The following PREP variants were observed in gnomAD, a reference collection of about 807,000 sequenced individuals.
PREP encodes the protein dJ355L5.1 (prolyl endopeptidase).
PREP carries 29 observed loss-of-function variants against 87.6 expected under a neutral mutation model. The observed-to-expected ratio is 0.33, with a 90% CI of 0.25 to 0.45. The LOEUF is 0.45. Ranked by LOEUF, PREP falls within the 20% of genes least tolerant of loss-of-function variation. PREP has a pLI of 1.00. For missense variants in PREP, 695 were observed against 886.5 expected (o/e 0.78, Z 2.74); for synonymous variants, 337 against 328.6 (o/e 1.03, Z -0.28).
At chr6:105,376,703 T>C (rs749772259) in intron 3 of PREP, among the ~76,000 whole-genome samples, 2 of 152,200 alleles carry the variant, frequency 1.3e-5, no homozygotes, top group African/African-American at 2.4e-5. Flanking sequence ...CTGTGAGCCA[T>C]ACAGTCTGTC....
chr6:105,344,246 T>G (rs1197262680), intron 7 of PREP, among the ~76,000 whole-genome samples: 1 of 152,102 alleles, frequency 6.6e-6, no homozygotes, highest in Non-Finnish European at 1.5e-5. Context: ...ATCCCAGCAC[T>G]TTGGGGAGGC....
At chr6:105,326,780 T>C (rs958862052) in intron 9 of PREP, among the ~76,000 whole-genome samples, 2 of 152,192 alleles carry the variant, frequency 1.3e-5, no homozygotes, top group African/African-American at 4.8e-5. Flanking sequence ...TCAAATTGCA[T>C]TCGGCAGAGA....
At chr6:105,334,172 T>A (rs1771418947) in intron 7 of PREP, among the ~76,000 whole-genome samples, 1 of 152,242 alleles carries the variant, frequency 6.6e-6, no homozygotes, top group Admixed American at 6.5e-5. Flanking sequence ...TTTAAAGTGA[T>A]CCATGTTAGT....
At chr6:105,381,628 G>A (rs1301631347) in intron 2 of PREP, among the ~76,000 whole-genome samples, 1 of 152,088 alleles carries the variant, frequency 6.6e-6, no homozygotes, top group African/African-American at 2.4e-5. Context: ...TCTAAAGAGA[G>A]TCAACAGTTT....
Position 105,402,950 on chromosome 6 carries a change from C to T in PREP, c.-59G>A. On this transcript the variant is annotated 5_prime_UTR_variant, in exon 1 of 15. Coordinates refer to ENST00000652536, the MANE Select transcript of PREP (RefSeq NM_002726.5). Reference sequence around the variant, plus strand: ...CGCGGGCTCCGGGAGCGGACCTGAGCTAGCCGGGCTGGCCGCGAGGCGCGG... The same window carrying T: ...CGCGGGCTCCGGGAGCGGACCTGAGTTAGCCGGGCTGGCCGCGAGGCGCGG... 3.9e-6 allele frequency: 4 copies of T among 1,038,476 alleles called. No homozygotes were observed. The highest frequency in any genetic ancestry group is 5.2e-6 in the Non-Finnish European group (4 of 770,282). The allele number at this position is 1,038,476 out of a possible 1,614,324, so 64.3% of individuals were successfully genotyped here. A position where few individuals can be genotyped will look rare whatever the true frequency, so the allele number is the denominator to read the frequency against.
chr6:105,320,754 G>C (rs1264327263), intron 10 of PREP, among the ~76,000 whole-genome samples: 1 of 152,082 alleles, frequency 6.6e-6, no homozygotes, highest in Non-Finnish European at 1.5e-5. Context: ...ACAAACCCCA[G>C]GGTCAAGTGG....
chr6:105,310,489 C>A (rs1770737526), intron 10 of PREP, among the ~76,000 whole-genome samples: 2 of 152,140 alleles, frequency 1.3e-5, no homozygotes, highest in African/African-American at 4.8e-5. Flanking sequence ...TCCAGTAACT[C>A]CTCTTCCTTC....
chr6:105,376,131 G>C lies in PREP; in HGVS notation c.379C>G (p.Leu127Val). ...CTCTCTGTGTAGCACTTACCTCGGA[G>C]TGCCACTGTGCCATCGTCAGACAGT... ...NILSDDGTVA[L>V]RGYAFSEDGE... Residue 127 changes from leucine (L) to valine (V), a missense_variant, in exon 4 of 15, where the codon CTC (leucine) becomes GTC (valine). Around this residue, in one of 5 missense-constraint regions of PREP, gnomAD observed 517 missense variants for 620.3 expected, o/e 0.83. Transcript: ENST00000652536. The C allele has an allele frequency of 6.2e-7, 1 of 1,613,268 alleles. No homozygotes were observed. The highest frequency in any genetic ancestry group is 1.1e-5 in the South Asian group (1 of 90,928).
At chr6:105,351,643 T>G (rs560858935) in intron 7 of PREP, among the ~76,000 whole-genome samples, 35 of 152,310 alleles carry the variant, frequency 2.3e-4, no homozygotes, top group Non-Finnish European at 4.4e-4. Flanking sequence ...AGAATTTTAT[T>G]CTCTATATTT....
chr6:105,368,835 T>A, intron 6 of PREP, 68 bp downstream of exon 6: 1 of 1,566,994 alleles, frequency 6.4e-7, no homozygotes, highest in Non-Finnish European at 8.7e-7. Context: ...CACCACATAA[T>A]AAGAATATTT....
rs1335303085 is a variant in PREP at position 105,277,480 on chromosome 6, T to TAA, written c.*662_*663dup. 2 of 152,176 alleles carry TAA rather than the reference T, an allele frequency of 1.3e-5. No homozygotes were observed. Among genetic ancestry groups the TAA allele is most frequent in the Non-Finnish European group, 2.9e-5 (2 of 68,042 alleles). 9.4% of individuals were successfully genotyped at this position (152,176 alleles called of 1,614,324 possible). ...GCCCCAGATCAGATTTTTACCCAAC[T>TAA]AAGTGGTCAGTGTTTGTTTATGACA... On this transcript the variant is annotated 3_prime_UTR_variant, in exon 15 of 15. Transcript: ENST00000652536.
At chr6:105,321,325 A>T (rs570587653) in intron 10 of PREP, among the ~76,000 whole-genome samples, 1 of 152,348 alleles carries the variant, frequency 6.6e-6, no homozygotes, top group Non-Finnish European at 1.5e-5. Context: ...CAAATAAAAA[A>T]CTGTAAGTAT....
intron 10 of PREP, among the ~76,000 whole-genome samples, chr6:105,305,745 C>G (rs1239815147): frequency 1.3e-5 from 2 of 152,158 alleles, no homozygotes; most frequent in African/African-American, 4.8e-5. Flanking sequence ...ATGCCTCCCA[C>G]CACTCTAGCC....
rs1451056192 is a variant in PREP, at chr6:105,278,432, A to G, written c.1845T>C (p.Ser615=). ...CTGGTAACTTCACATTATGCAATGG[A>G]GAGTATCTGGAAGGCAAAAACACCT... ...KQHFEWLVKY[S]PLHNVKLPEA... is the part of the protein sequence containing the mutation. Residue 615 remains serine (S), a synonymous_variant, in exon 15 of 15, where the codon TCT becomes TCC. Transcript: ENST00000652536. The surrounding 1 kb of genome is among the most constrained non-coding windows in gnomAD (Gnocchi z 4.2). 1.6e-5 allele frequency: 25 copies of G among 1,609,806 alleles called. No individual in the cohort carries two copies. The highest frequency in any genetic ancestry group is 2.1e-5 in the Non-Finnish European group (25 of 1,176,382).
At chr6:105,387,130 G>A (rs1217607634) in intron 2 of PREP, among the ~76,000 whole-genome samples, 2 of 152,112 alleles carry the variant, frequency 1.3e-5, no homozygotes, top group African/African-American at 2.4e-5. Context: ...GCTGAGACAT[G>A]AGAATTGCTT....
chr6:105,301,935 A>G (rs530758205), intron 10 of PREP, among the ~76,000 whole-genome samples: 35 of 152,146 alleles, frequency 2.3e-4, no homozygotes, highest in Non-Finnish European at 4.1e-4. Context: ...GAATACAAGG[A>G]AAGAAGGGCA....
At chr6:105,325,219 A>AAAC (rs567544675) in intron 9 of PREP, among the ~76,000 whole-genome samples, 1 of 152,138 alleles carries the variant, frequency 6.6e-6, no homozygotes, top group African/African-American at 2.4e-5. Flanking sequence ...ATAAATAATC[A>AAAC]AACAACAACA....
chr6:105,355,630 G>A (rs917806958), intron 6 of PREP, among the ~76,000 whole-genome samples: 5 of 152,110 alleles, frequency 3.3e-5, no homozygotes, highest in Non-Finnish European at 7.4e-5. Context: ...GTTGATTTCT[G>A]TATTTTATCA....
At chr6:105,397,178 C>CT (rs1357335611) in intron 2 of PREP, among the ~76,000 whole-genome samples, 1 of 118,354 alleles carries the variant, frequency 8.4e-6, no homozygotes, top group East Asian at 2.7e-4. Context: ...GAGTAAGACT[C>CT]TGTCTACAAA....
Sources: gnomAD v4.1 joint callset for allele counts (sites outside exome capture counted in the v4.1 genomes callset) on GRCh38, gnomAD v4.1.1 for gene constraint, gnomAD v4.1.1 regional missense constraint, Gnocchi (gnomAD v3.1) non-coding constraint, MANE v1.5 for transcripts, NCBI Gene and HGNC (gene_info 2026-07-23, HGNC 2026-07-21) for gene names.